Variants in COLEC12 observed in about 807,000 individuals in gnomAD.
COLEC12 encodes the protein collectin subfamily member 12.
COLEC12 carries 33 observed loss-of-function variants against 71.1 expected under a neutral mutation model. The ratio of observed to expected loss-of-function variants is 0.46; its 90% CI spans 0.35 to 0.62. COLEC12 has a LOEUF of 0.62. Among genes scored for constraint, COLEC12 ranks in the 20% least tolerant of loss-of-function variants. The probability of loss-of-function intolerance (pLI) is 0.00; values close to 1 mark genes in which losing one functional copy is unlikely to be tolerated. For missense variants in COLEC12, 765 were observed against 916.1 expected (o/e 0.84, Z 2.13); for synonymous variants, 350 against 353.0 (o/e 0.99, Z 0.10).
chr18:475,060 G>T (rs1440209169), intron 2 of COLEC12, among the ~76,000 whole-genome samples: 1 of 149,582 alleles, frequency 6.7e-6, no homozygotes. Flanking sequence ...GGCGACAAGA[G>T]CTAAACTCCG....
chr18:398,437 A>T (rs535705037), intron 2 of COLEC12, among the ~76,000 whole-genome samples: 2 of 152,364 alleles, frequency 1.3e-5, no homozygotes, highest in South Asian at 4.1e-4. Flanking sequence ...ACACAAGATC[A>T]GCGCATTTCT....
chr18:443,463 T>G (rs1598365603), intron 2 of COLEC12, among the ~76,000 whole-genome samples: 1 of 152,350 alleles, frequency 6.6e-6, no homozygotes, highest in African/African-American at 2.4e-5. Context: ...TCTTTGGCCT[T>G]CTATTTAAAT....
chr18:484,191 A>G (rs1252552220), intron 1 of COLEC12, among the ~76,000 whole-genome samples: 1 of 152,208 alleles, frequency 6.6e-6, no homozygotes, highest in Admixed American at 6.5e-5. Context: ...TGCAGCATTT[A>G]GTCTGACTGA....
intron 3 of COLEC12, among the ~76,000 whole-genome samples, chr18:350,099 T>A (rs1434982085): frequency 5.9e-5 from 9 of 152,208 alleles, no homozygotes; most frequent in Admixed American, 5.9e-4. Flanking sequence ...AGGGGTGGAA[T>A]GATACAGTTT....
chr18:457,809 ATTT>A (rs1916902174), intron 2 of COLEC12, among the ~76,000 whole-genome samples: 2 of 152,102 alleles, frequency 1.3e-5, no homozygotes, highest in Non-Finnish European at 1.5e-5. Context: ...TTCATTGCGC[ATTT>A]TTCAAAGTGA....
chr18:388,130 A>G (rs1021667996), intron 2 of COLEC12, among the ~76,000 whole-genome samples: 1 of 152,222 alleles, frequency 6.6e-6, no homozygotes, highest in Non-Finnish European at 1.5e-5. Flanking sequence ...AGCCCCAACT[A>G]GACAGCAGGA....
intron 2 of COLEC12, among the ~76,000 whole-genome samples, chr18:457,775 G>A (rs557037863): frequency 5.9e-5 from 9 of 152,144 alleles, no homozygotes; most frequent in East Asian, 1.9e-4. Context: ...TATACCAAGC[G>A]GAGTAGAATG....
At chr18:356,711 C>T (rs35711234) in intron 3 of COLEC12, among the ~76,000 whole-genome samples, 1 of 152,180 alleles carries the variant, frequency 6.6e-6, no homozygotes, top group Non-Finnish European at 1.5e-5. Flanking sequence ...TTTTGTGATT[C>T]TGAATCACGA....
intron 2 of COLEC12, among the ~76,000 whole-genome samples, chr18:466,818 T>C (rs1031775376): frequency 6.6e-6 from 1 of 152,184 alleles, no homozygotes; most frequent in African/African-American, 2.4e-5. Context: ...CTTTTATTCC[T>C]AAGTCCCTGG....
chr18:394,329 C>G lies in COLEC12; in HGVS notation c.59-36807G>C, dbSNP rs576252278. Among the ~76,000 whole-genome samples the G allele has an allele frequency of 7.9e-5, 12 of 152,302 alleles. 1 individual carries two copies. In the South Asian group the frequency reaches 2.5e-3, roughly 32 times the overall value. ...GCTGAGGAAATTTAAGATCAGCAAC[C>G]AATTATTTGATCCATTTTCTAACCC... On this transcript the variant is annotated intron_variant, in intron 2 of 9. Transcript: ENST00000400256.
At chr18:450,843 T>C (rs1230055236) in intron 2 of COLEC12, among the ~76,000 whole-genome samples, 12 of 152,228 alleles carry the variant, frequency 7.9e-5, no homozygotes, top group Admixed American at 6.5e-4. Flanking sequence ...GATAGTGATG[T>C]GGACAGTGAA....
Position 348,157 on chromosome 18 carries a change from T to C in COLEC12, c.188A>G (p.Glu63Gly), listed in dbSNP as rs756754594. 6.2e-6 allele frequency: 10 copies of C among 1,610,348 alleles called. No homozygotes were observed. Among genetic ancestry groups the C allele is most frequent in the Non-Finnish European group, 7.6e-6 (9 of 1,176,728 alleles). The change falls in exon 4 of 10, where the codon GAG (glutamate) becomes GGG (glycine). Residue 63 changes from glutamate to glycine, a missense_variant. Transcript: ENST00000400256. ...GCCACCTGTGACATTGTCCATTTTC[T>C]CTACAACTAAGATTTGGAAAATGAT... The part of the protein sequence containing the change: ...TVAILGYKVV[E>G]KMDNVTGGME...
At chr18:348,929 T>C (rs757066426) in intron 3 of COLEC12, among the ~76,000 whole-genome samples, 4 of 152,182 alleles carry the variant, frequency 2.6e-5, no homozygotes, top group Non-Finnish European at 5.9e-5. Context: ...TTCCCATGTG[T>C]TGTGGGAGGG....
chr18:369,196 G>A (rs1308426916), intron 2 of COLEC12, among the ~76,000 whole-genome samples: 2 of 151,990 alleles, frequency 1.3e-5, no homozygotes, highest in South Asian at 2.1e-4. Context: ...ACCACTTAAT[G>A]CAACTGATCC....
At chr18:377,794 A>G (rs1011388510) in intron 2 of COLEC12, among the ~76,000 whole-genome samples, 7 of 152,134 alleles carry the variant, frequency 4.6e-5, no homozygotes, top group Admixed American at 4.6e-4. Flanking sequence ...CGGCCCAAGA[A>G]AGACAGGGCC....
At chr18:416,366 T>C (rs1915986368) in intron 2 of COLEC12, among the ~76,000 whole-genome samples, 1 of 152,088 alleles carries the variant, frequency 6.6e-6, no homozygotes, top group Admixed American at 6.5e-5. Flanking sequence ...GATGATCTGA[T>C]ATAGAGGGAA....
chr18:321,456 T>C (rs1008158079), intron 9 of COLEC12, among the ~76,000 whole-genome samples: 1 of 152,270 alleles, frequency 6.6e-6, no homozygotes, highest in Non-Finnish European at 1.5e-5. Context: ...GGCACATTTA[T>C]TAACTTATTT....
intron 1 of COLEC12, among the ~76,000 whole-genome samples, chr18:486,979 G>A (rs952996717): frequency 6.6e-6 from 1 of 152,110 alleles, no homozygotes; most frequent in African/African-American, 2.4e-5. Flanking sequence ...TTATACCTAC[G>A]AGAAATAAAA....
chr18:456,308 C>T (rs963043521), intron 2 of COLEC12, among the ~76,000 whole-genome samples: 1 of 152,186 alleles, frequency 6.6e-6, no homozygotes, highest in African/African-American at 2.4e-5. Context: ...TCTAGTTCCA[C>T]AACCTTCATA....
Sources: allele counts gnomAD v4.1 joint callset (sites outside exome capture counted in the v4.1 genomes callset), GRCh38; gene constraint gnomAD v4.1.1; transcripts MANE v1.5; gene names NCBI Gene and HGNC (gene_info 2026-07-23, HGNC 2026-07-21).